NT5DC1: variants seen among roughly 807,000 people sequenced by gnomAD.
NT5DC1 encodes 5'-nucleotidase domain-containing protein 1.
NT5DC1 carries 42 observed loss-of-function variants against 59.4 expected under a neutral mutation model. The ratio of observed to expected loss-of-function variants is 0.71; its 90% CI spans 0.55 to 0.92. The LOEUF (loss-of-function observed/expected upper bound fraction) is 0.92. NT5DC1 is among the 40% of genes least tolerant of loss of function. NT5DC1 has a pLI of 0.00. For missense variants in NT5DC1, 501 were observed against 537.1 expected (o/e 0.93, Z 0.66); for synonymous variants, 172 against 188.1 (o/e 0.91, Z 0.70).
In NT5DC1 at chr6:116,121,945, T is replaced by C. The variant is rs1396344114; in HGVS notation, c.529+4000T>C. Reference sequence around the variant, plus strand: ...CTGGTGGACCAGGAGTACCTTGCTCTCCTCTTACTGCTATACCTAAAAGAC... The same window carrying C: ...CTGGTGGACCAGGAGTACCTTGCTCCCCTCTTACTGCTATACCTAAAAGAC... On this transcript the variant is annotated intron_variant, in intron 6 of 11. Transcript: ENST00000319550. 4 of 1,612,716 alleles carry C rather than the reference T, an allele frequency of 2.5e-6. No individual in the cohort carries two copies. In the African/African-American group the frequency reaches 5.3e-5, roughly 22 times the overall value.
At chr6:116,136,667 GTATC>G (rs977764309) in intron 6 of NT5DC1, among the ~76,000 whole-genome samples, 24 of 152,178 alleles carry the variant, frequency 1.6e-4, no homozygotes, top group Non-Finnish European at 2.8e-4. Context: ...TGATATGGCA[GTATC>G]TATCTTTCAT....
chr6:116,115,577 G>A (rs80105050), intron 4 of NT5DC1, 114 bp from the exon 5 acceptor site: 16 of 479,186 alleles, frequency 3.3e-5, no homozygotes, highest in East Asian at 2.1e-4. Flanking sequence ...AATTGGAATG[G>A]AGGCTTCTTC....
chr6:116,178,394 G>A (rs1780800489), intron 6 of NT5DC1, among the ~76,000 whole-genome samples: 1 of 152,080 alleles, frequency 6.6e-6, no homozygotes, highest in South Asian at 2.1e-4. Flanking sequence ...ATTCATAAAG[G>A]CGATAGAAAG....
intron 6 of NT5DC1, among the ~76,000 whole-genome samples, chr6:116,195,621 G>A (rs1781206484): frequency 6.6e-6 from 1 of 151,838 alleles, no homozygotes. Context: ...ACATAATCAG[G>A]GGTTAGAAAG....
At chr6:116,160,563 C>T (rs977582760) in intron 6 of NT5DC1, among the ~76,000 whole-genome samples, 3 of 152,050 alleles carry the variant, frequency 2.0e-5, no homozygotes, top group Admixed American at 6.5e-5. Flanking sequence ...TTCTCTCATT[C>T]TGTATATTGT....
At chr6:116,114,267 T>A (rs894157949) in intron 4 of NT5DC1, among the ~76,000 whole-genome samples, 3 of 152,084 alleles carry the variant, frequency 2.0e-5, no homozygotes, top group African/African-American at 7.2e-5. Context: ...TTTTTATACA[T>A]TTTAAAATAA....
chr6:116,147,908 CCTGGGAGG>C (rs1779938272), intron 6 of NT5DC1, among the ~76,000 whole-genome samples: 2 of 151,814 alleles, frequency 1.3e-5, no homozygotes, highest in Non-Finnish European at 2.9e-5. Flanking sequence ...ATCGCTTGAA[CCTGGGAGG>C]CGGAGGTTGC....
chr6:116,222,973 G>A, intron 7 of NT5DC1, 61 bp from the exon 8 acceptor site: 1 of 874,028 alleles, frequency 1.1e-6, no homozygotes, highest in Non-Finnish European at 1.9e-6. Flanking sequence ...ATCAAGTTCT[G>A]TTTTATATGG....
intron 2 of NT5DC1, among the ~76,000 whole-genome samples, chr6:116,107,540 TTTTTA>T (rs371049347): frequency 0.24 from 31,191 of 132,416 alleles, 4,142 homozygotes; most frequent in Middle Eastern, 0.41. Flanking sequence ...AGTGGTTTTC[TTTTTA>T]TTTTATTTTA....
intron 6 of NT5DC1, among the ~76,000 whole-genome samples, chr6:116,209,095 A>G (rs1358753565): frequency 6.6e-6 from 1 of 152,052 alleles, no homozygotes; most frequent in Non-Finnish European, 1.5e-5. Flanking sequence ...ACTTTCTAGT[A>G]ATAGTGCATT....
intron 6 of NT5DC1, among the ~76,000 whole-genome samples, chr6:116,127,570 A>G (rs965966287): frequency 6.6e-6 from 1 of 152,208 alleles, no homozygotes; most frequent in Non-Finnish European, 1.5e-5. Context: ...GTAGGAGACT[A>G]CAAAAGATAA....
At chr6:116,208,926 C>CA (rs1299110374) in intron 6 of NT5DC1, among the ~76,000 whole-genome samples, 2 of 151,940 alleles carry the variant, frequency 1.3e-5, no homozygotes, top group Admixed American at 6.6e-5. Context: ...GCAGTTACAT[C>CA]ATGGCTGGGG....
Position 116,172,183 on chromosome 6 carries a change from A to C in NT5DC1, c.530-48871A>C, listed in dbSNP as rs145887697. On this transcript the variant is annotated intron_variant, in intron 6 of 11. Coordinates refer to ENST00000319550, the MANE Select transcript of NT5DC1 (RefSeq NM_152729.3). ...AGTGATACAATCTCATGATTTCCTC[A>C]TAGAAAGATTGAAAATTATTTTTTT... 2.1e-3 allele frequency among the ~76,000 whole-genome samples: 318 copies of C among 152,312 alleles called. 1 individual carries two copies. Among genetic ancestry groups the C allele is most frequent in the African/African-American group, 7.1e-3 (297 of 41,558 alleles).
chr6:116,204,838 G>T, intron 6 of NT5DC1, among the ~76,000 whole-genome samples: 1 of 151,968 alleles, frequency 6.6e-6, no homozygotes, highest in East Asian at 1.9e-4. Context: ...TGTGTAGTAG[G>T]TGCTCAGTAA....
At chr6:116,173,216 T>C (rs1043441196) in intron 6 of NT5DC1, among the ~76,000 whole-genome samples, 2 of 152,196 alleles carry the variant, frequency 1.3e-5, no homozygotes, top group Middle Eastern at 6.3e-3. Context: ...AAACTATAAC[T>C]GTGTCAGTGG....
chr6:116,179,362 G>T (rs1378229127), intron 6 of NT5DC1, among the ~76,000 whole-genome samples: 1 of 151,862 alleles, frequency 6.6e-6, no homozygotes, highest in African/African-American at 2.4e-5. Flanking sequence ...AGAGAATTGG[G>T]GTTTTAGCAT....
chr6:116,221,370 C>T (rs1420023079), intron 7 of NT5DC1, 142 bp downstream of exon 7: 2 of 590,080 alleles, frequency 3.4e-6, no homozygotes, highest in East Asian at 5.3e-5. Flanking sequence ...TTTCTCATGA[C>T]ATACCTCAAT....
chr6:116,191,032 C>T lies in NT5DC1; in HGVS notation c.530-30022C>T, dbSNP rs149371754. ...GCTCAGAGGCCTCAAGTGACTTCCCCGAAGTTGCACAGTGAGTTGTTGTTA... is the reference window on the plus strand; with the variant it reads ...GCTCAGAGGCCTCAAGTGACTTCCCTGAAGTTGCACAGTGAGTTGTTGTTA... On this transcript the variant is annotated intron_variant, in intron 6 of 11. Coordinates refer to ENST00000319550, the MANE Select transcript of NT5DC1 (RefSeq NM_152729.3). Among the ~76,000 whole-genome samples, 325 of 152,036 alleles carry T rather than the reference C, an allele frequency of 2.1e-3. 1 individual carries two copies. The highest frequency in any genetic ancestry group is 7.1e-3 in the African/African-American group (295 of 41,508).
chr6:116,211,708 G>A (rs967972325), intron 6 of NT5DC1, among the ~76,000 whole-genome samples: 1 of 151,986 alleles, frequency 6.6e-6, no homozygotes, highest in Admixed American at 6.6e-5. Flanking sequence ...ACCTATTACA[G>A]AGAATTTCCT....
Sources: gnomAD v4.1 joint callset for allele counts (sites outside exome capture counted in the v4.1 genomes callset) on GRCh38, gnomAD v4.1.1 for gene constraint, MANE v1.5 for transcripts, NCBI Gene and HGNC (gene_info 2026-07-23, HGNC 2026-07-21) for gene names.